The following TBL1X variants were observed in gnomAD, a reference collection of about 807,000 sequenced individuals.
TBL1X encodes the protein transducin beta like 1 X-linked.
A neutral mutation model predicts 50.7 loss-of-function variants in TBL1X; 10 were observed. The observed-to-expected ratio is 0.20, with a 90% CI of 0.12 to 0.33. The LOEUF (loss-of-function observed/expected upper bound fraction) is 0.33. TBL1X is among the 10% of genes least tolerant of loss of function. TBL1X has a pLI of 1.00. For missense variants in TBL1X, 340 were observed against 504.4 expected (o/e 0.67, Z 3.12); for synonymous variants, 190 against 214.7 (o/e 0.88, Z 1.01).
intron 2 of TBL1X, among the ~76,000 whole-genome samples, chrX:9,629,329 G>A (rs1255869909): frequency 3.6e-5 from 4 of 112,319 alleles, no homozygotes; most frequent in Admixed American, 9.4e-5. Flanking sequence ...CCAGGTACAC[G>A]TGACTACGAT....
intron 2 of TBL1X, among the ~76,000 whole-genome samples, chrX:9,553,425 G>A (rs749045965): frequency 1.9e-4 from 21 of 112,061 alleles, no homozygotes; most frequent in Middle Eastern, 4.6e-3. Flanking sequence ...ATTGCACATC[G>A]AGAACCTAAG....
intron 11 of TBL1X, 111 bp from the exon 12 acceptor site, chrX:9,697,258 G>T: frequency 1.0e-6 from 1 of 993,636 alleles, no homozygotes; most frequent in South Asian, 2.2e-5. Context: ...ATCTCTATTG[G>T]ACAGTGCCGG....
At chrX:9,498,754 A>G (rs745345269) in intron 1 of TBL1X, among the ~76,000 whole-genome samples, 2 of 112,580 alleles carry the variant, frequency 1.8e-5, no homozygotes, top group Admixed American at 9.3e-5. Context: ...CATTGGGGAC[A>G]TGGAGGAGGG....
intron 5 of TBL1X, among the ~76,000 whole-genome samples, chrX:9,674,227 G>A (rs1486843209): frequency 8.9e-6 from 1 of 111,927 alleles, no homozygotes; most frequent in Non-Finnish European, 1.9e-5. Flanking sequence ...CAGCGCAGCA[G>A]AGAAGGGGCT....
intron 5 of TBL1X, among the ~76,000 whole-genome samples, chrX:9,671,953 A>T (rs756415663): frequency 8.9e-6 from 1 of 112,755 alleles, no homozygotes; most frequent in Admixed American, 9.3e-5. Context: ...GTGCAGTTTC[A>T]GTTGTACGAT....
chrX:9,705,615 G>A (rs763591944), intron 13 of TBL1X, among the ~76,000 whole-genome samples: 11 of 107,929 alleles, frequency 1.0e-4, no homozygotes, highest in Non-Finnish European at 1.9e-4. Flanking sequence ...AAGTAGCTGC[G>A]TATGGTGATG....
intron 16 of TBL1X, 152 bp downstream of exon 16, chrX:9,711,928 C>A: frequency 1.9e-6 from 1 of 534,392 alleles, no homozygotes; most frequent in Non-Finnish European, 2.7e-6. Flanking sequence ...CACGTGCACC[C>A]CACGTGGGCT....
At chrX:9,598,908 CTT>C (rs34080351) in intron 2 of TBL1X, among the ~76,000 whole-genome samples, 1,580 of 97,977 alleles carry the variant, frequency 0.016, 35 homozygotes, top group South Asian at 0.065. Flanking sequence ...ATCCCCCTAC[CTT>C]TTTTTTTTGT....
chrX:9,533,856 T>A (rs1473659486), intron 2 of TBL1X, among the ~76,000 whole-genome samples: 70 of 111,119 alleles, frequency 6.3e-4, no homozygotes, highest in Non-Finnish European at 9.4e-5. Flanking sequence ...TAAATGGGGC[T>A]CCCATAGGTG....
rs369613305 is a variant in TBL1X at position 9,653,538 on chromosome X, C to T, written c.-42-7C>T. On this transcript the variant is annotated splice_region_variant and splice_polypyrimidine_tract_variant and intron_variant, in intron 3 of 17. Transcript: ENST00000645353. Reference sequence around the variant, plus strand: ...TCCCTGCCTTCTGTGTTCTGGTTTTCCACCAGGAGCCCTGGCCTCCTTGCA... The same window carrying T: ...TCCCTGCCTTCTGTGTTCTGGTTTTTCACCAGGAGCCCTGGCCTCCTTGCA... The T allele has an allele frequency of 7.9e-5, 86 of 1,091,773 alleles. No homozygotes were observed. The Middle Eastern group carries it at 1.7e-3, about 22-fold the overall frequency. 90.0% of individuals were successfully genotyped at this position (1,091,773 alleles called of 1,213,427 possible).
At chrX:9,477,535 T>C (rs776905542) in intron 1 of TBL1X, among the ~76,000 whole-genome samples, 3 of 112,165 alleles carry the variant, frequency 2.7e-5, no homozygotes, top group East Asian at 5.6e-4. Flanking sequence ...TTGCAAGCTC[T>C]ATTACTTTGT....
chrX:9,605,286 C>G (rs753301459), intron 2 of TBL1X, among the ~76,000 whole-genome samples: 2 of 111,815 alleles, frequency 1.8e-5, no homozygotes, highest in Non-Finnish European at 3.8e-5. Context: ...CCGTAAGTTC[C>G]GCCTATTCTG....
intron 6 of TBL1X, among the ~76,000 whole-genome samples, chrX:9,685,648 C>T (rs760570687): frequency 1.8e-5 from 2 of 110,353 alleles, no homozygotes; most frequent in South Asian, 7.8e-4. Context: ...CAGCATGTTA[C>T]ACTGCTTTAA....
At chrX:9,628,643 A>G (rs188284673) in intron 2 of TBL1X, among the ~76,000 whole-genome samples, 24 of 107,506 alleles carry the variant, frequency 2.2e-4, no homozygotes, top group African/African-American at 7.9e-4. Flanking sequence ...TGCCTCCTGG[A>G]TTCAAATAAT....
At chrX:9,594,313 G>A (rs1440056688) in intron 2 of TBL1X, among the ~76,000 whole-genome samples, 1 of 112,429 alleles carries the variant, frequency 8.9e-6, no homozygotes, top group African/African-American at 3.2e-5. Flanking sequence ...CCCAGTTCTA[G>A]ATATCTTTAT....
In TBL1X at chrX:9,714,940, C is replaced by T. The variant is rs199871538; in HGVS notation, c.1644C>T (p.Gly548=). 6.7e-5 allele frequency: 81 copies of T among 1,210,778 alleles called. No homozygotes were observed. The African/African-American group carries it at 1.3e-3, about 19-fold the overall frequency. Residue 548 remains glycine, a synonymous_variant, in exon 17 of 18, where the codon GGC becomes GGT. Coordinates refer to ENST00000645353, the MANE Select transcript of TBL1X (RefSeq NM_005647.4). The part of the protein sequence containing the change: ...NLVHSYRGTG[G]IFEVCWNARG... ...TCCACAGCTACCGAGGCACTGGCGGCATCTTCGAGGTGTGCTGGAACGCCC... is the reference window on the plus strand; with the variant it reads ...TCCACAGCTACCGAGGCACTGGCGGTATCTTCGAGGTGTGCTGGAACGCCC...
chrX:9,579,912 C>G (rs1569063610), intron 2 of TBL1X, among the ~76,000 whole-genome samples: 1 of 111,553 alleles, frequency 9.0e-6, no homozygotes, highest in African/African-American at 3.3e-5. Flanking sequence ...GGTTCATAAG[C>G]CATGCTGCTC....
At chrX:9,652,348 T>TTG (rs1006348074) in intron 3 of TBL1X, among the ~76,000 whole-genome samples, 1 of 112,011 alleles carries the variant, frequency 8.9e-6, no homozygotes, top group African/African-American at 3.2e-5. Context: ...GGGCAGGACT[T>TTG]TGTGGGGGTA....
At chrX:9,658,027 G>A (rs2082874457) in intron 5 of TBL1X, among the ~76,000 whole-genome samples, 1 of 111,438 alleles carries the variant, frequency 9.0e-6, no homozygotes, top group South Asian at 3.8e-4. Context: ...CTCGTGAAAA[G>A]TGAATAGGTC....
Sources: gnomAD v4.1 joint callset for allele counts (sites outside exome capture counted in the v4.1 genomes callset) on GRCh38, gnomAD v4.1.1 for gene constraint, MANE v1.5 for transcripts, NCBI Gene and HGNC (gene_info 2026-07-23, HGNC 2026-07-21) for gene names.